The following MEIS2 variants were observed in gnomAD, a reference collection of about 807,000 sequenced individuals.
MEIS2 encodes the protein Meis homeobox 2, also known as homeobox protein Meis2.
Under a neutral mutation model 58.6 loss-of-function variants are expected in MEIS2, and 9 were observed. That is an observed-to-expected ratio of 0.15 (90% CI 0.09 to 0.27). The LOEUF (loss-of-function observed/expected upper bound fraction) is 0.27, where lower values mean the gene tolerates loss of function less well. Ranked by LOEUF, MEIS2 falls within the 10% of genes least tolerant of loss-of-function variation. The pLI, the probability that MEIS2 is intolerant of heterozygous loss-of-function variation, is 1.00. For missense variants in MEIS2, 427 were observed against 635.0 expected (o/e 0.67, Z 3.52); for synonymous variants, 221 against 228.4 (o/e 0.97, Z 0.29).
chr15:36,895,397 T>C (rs765413855), intron 10 of MEIS2, 136 bp from the exon 11 acceptor site: 7 of 695,594 alleles, frequency 1.0e-5, no homozygotes, highest in Non-Finnish European at 1.5e-5. Flanking sequence ...GTGTGGTTTG[T>C]CTGAGTGTCT....
chr15:36,955,787 T>C (rs1436461879), intron 8 of MEIS2, among the ~76,000 whole-genome samples: 1 of 152,120 alleles, frequency 6.6e-6, no homozygotes, highest in East Asian at 1.9e-4. Context: ...AGTATGTATC[T>C]CTTGATTTGT....
intron 8 of MEIS2, among the ~76,000 whole-genome samples, chr15:36,956,335 A>G (rs1188159138): frequency 6.6e-6 from 1 of 152,138 alleles, no homozygotes; most frequent in East Asian, 1.9e-4. Flanking sequence ...AAGAGTTGGG[A>G]TAACCACCTG....
At chr15:36,954,745 A>G (rs868354219) in intron 8 of MEIS2, among the ~76,000 whole-genome samples, 3 of 152,162 alleles carry the variant, frequency 2.0e-5, no homozygotes, top group South Asian at 2.1e-4. Flanking sequence ...TACTTCTGTG[A>G]TAGTGTAATA....
chr15:36,997,574 T>A (rs950328393), intron 8 of MEIS2, among the ~76,000 whole-genome samples: 3 of 151,334 alleles, frequency 2.0e-5, no homozygotes, highest in African/African-American at 4.9e-5. Context: ...GCAAGCTCCA[T>A]CTTCTGGGTT....
chr15:36,945,027 T>A (rs1393781670), intron 9 of MEIS2, among the ~76,000 whole-genome samples: 1 of 152,040 alleles, frequency 6.6e-6, no homozygotes, highest in Non-Finnish European at 1.5e-5. Context: ...CACAACATAT[T>A]TCCTGGTGTC....
rs1170660970 is a variant in MEIS2 at position 37,100,296 on chromosome 15, G to A, written c.-830C>T. On this transcript the variant is annotated 5_prime_UTR_variant, in exon 1 of 12. Coordinates refer to ENST00000561208, the MANE Select transcript of MEIS2 (RefSeq NM_170675.5). Reference sequence around the variant, plus strand: ...CGCTCTCACTCGCGCTCGCTCTCTCGCGCTCGCTCTCTCTCGCTCTCTTTC... The same window carrying A: ...CGCTCTCACTCGCGCTCGCTCTCTCACGCTCGCTCTCTCTCGCTCTCTTTC... 1 of 150,368 alleles carries A rather than the reference G, an allele frequency of 6.7e-6. No homozygotes were observed. The highest frequency in any genetic ancestry group is 6.7e-5 in the Admixed American group (1 of 15,016). The allele number at this position is 150,368 out of a possible 1,614,324, so 9.3% of individuals were successfully genotyped here.
At chr15:36,992,140 G>A (rs947045010) in intron 8 of MEIS2, among the ~76,000 whole-genome samples, 4 of 151,992 alleles carry the variant, frequency 2.6e-5, no homozygotes, top group African/African-American at 9.7e-5. Context: ...ATTGCTAGTC[G>A]GCTTCATTTA....
intron 6 of MEIS2, among the ~76,000 whole-genome samples, chr15:37,087,135 C>T (rs1035055324): frequency 1.2e-4 from 18 of 152,000 alleles, no homozygotes; most frequent in African/African-American, 2.7e-4. Flanking sequence ...GCCGGGTGCC[C>T]GTGTATGACT....
At chr15:36,966,476 T>G (rs1040744972) in intron 8 of MEIS2, among the ~76,000 whole-genome samples, 1 of 152,204 alleles carries the variant, frequency 6.6e-6, no homozygotes, top group African/African-American at 2.4e-5. Context: ...TCCTGGCTTT[T>G]AATCTTGGCT....
rs1474596915 is a variant in MEIS2 at position 37,096,354 on chromosome 15, C to T, written c.322G>A (p.Val108Met). The change falls in exon 3 of 12, where the codon GTG becomes ATG. Residue 108 changes from valine to methionine, a missense_variant. Coordinates refer to ENST00000561208, the MANE Select transcript of MEIS2 (RefSeq NM_170675.5). ...GAGGAGCAGACGTCTCCGCCAGCCA[C>T]TCCAGGTTCCCGGGGAGTGCAGGTC... ...LATCTPREPG[V>M]AGGDVCSSDS... 2 of 1,614,032 alleles carry T rather than the reference C, an allele frequency of 1.2e-6. No homozygotes were observed. The highest frequency in any genetic ancestry group is 1.7e-6 in the Non-Finnish European group (2 of 1,179,962).
intron 8 of MEIS2, among the ~76,000 whole-genome samples, chr15:36,986,367 T>C (rs1474724674): frequency 6.6e-6 from 1 of 152,220 alleles, no homozygotes; most frequent in Admixed American, 6.5e-5. Context: ...CCAGGCTTCC[T>C]GTTAGACACT....
intron 8 of MEIS2, among the ~76,000 whole-genome samples, chr15:36,970,384 A>G (rs994311112): frequency 6.0e-5 from 9 of 149,838 alleles, no homozygotes; most frequent in Non-Finnish European, 1.0e-4. Flanking sequence ...AGCCTGGGCG[A>G]CAGAGCAAGA....
At chr15:36,956,145 G>T (rs912048880) in intron 8 of MEIS2, among the ~76,000 whole-genome samples, 2 of 139,770 alleles carry the variant, frequency 1.4e-5, no homozygotes, top group Non-Finnish European at 3.0e-5. Context: ...GCAGTGAGCC[G>T]AGCGACTCAG....
At position 37,099,609 on chromosome 15, in the gene MEIS2, AG is replaced by A. The variant is rs1382882199; in HGVS notation, c.-144del. ...CCAATTCTCCAATATGCTATTTTTT[AG>A]GGGGGAAAAAAAGCCCAGTCTAGAC... is the stretch of plus-strand genomic sequence containing the variant. On this transcript the variant is annotated 5_prime_UTR_variant, in exon 1 of 12. Coordinates refer to ENST00000561208, the MANE Select transcript of MEIS2 (RefSeq NM_170675.5). 7 of 1,231,490 alleles carry A rather than the reference AG, an allele frequency of 5.7e-6. No individual in the cohort carries two copies. Among genetic ancestry groups the A allele is most frequent in the South Asian group, 3.3e-5 (2 of 60,202 alleles). 76.3% of individuals were successfully genotyped at this position (1,231,490 alleles called of 1,614,324 possible). A position where few individuals can be genotyped will look rare whatever the true frequency, so the allele number is the denominator to read the frequency against.
In MEIS2 at chr15:37,065,517, T is replaced by A. The variant is rs966527237; in HGVS notation, c.754+18254A>T. 5.3e-5 allele frequency among the ~76,000 whole-genome samples: 8 copies of A among 152,324 alleles called. No homozygotes were observed. The East Asian group carries it at 1.4e-3, about 26-fold the overall frequency. The stretch of plus-strand genomic sequence containing the variant: ...TGACTGACAACTGTGGTTTGAATAC[T>A]GCAGAAGCACCTTTCAATTAAAGAG... On this transcript the variant is annotated intron_variant, in intron 7 of 11. Coordinates refer to ENST00000561208, the MANE Select transcript of MEIS2 (RefSeq NM_170675.5).
chr15:37,026,272 G>A (rs1483373622), intron 8 of MEIS2, among the ~76,000 whole-genome samples: 1 of 152,118 alleles, frequency 6.6e-6, no homozygotes, highest in Non-Finnish European at 1.5e-5. Flanking sequence ...AAAGACTAGT[G>A]TAGCACCACC....
chr15:37,086,399 A>G (rs989874540), intron 6 of MEIS2, among the ~76,000 whole-genome samples: 5 of 152,180 alleles, frequency 3.3e-5, no homozygotes, highest in South Asian at 2.1e-4. Context: ...ATTTCTTTCA[A>G]TGGTATCTGA....
At chr15:36,965,100 C>T (rs751602815) in intron 8 of MEIS2, among the ~76,000 whole-genome samples, 3 of 152,106 alleles carry the variant, frequency 2.0e-5, no homozygotes, top group Non-Finnish European at 4.4e-5. Context: ...ACTTAAGCTT[C>T]GAGTTCTCAA....
rs201705165 is a variant in MEIS2 at position 36,896,705 on chromosome 15, G to A, written c.978-19C>T. 9 of 1,610,604 alleles carry A rather than the reference G, an allele frequency of 5.6e-6. No individual in the cohort carries two copies. The East Asian group carries it at 2.0e-4, about 36-fold the overall frequency. ...AATAAACCTGAAAGAGAACAGAGAAGTCCAGTCATCATACTCCGTTTCTGT... is the reference window on the plus strand; with the variant it reads ...AATAAACCTGAAAGAGAACAGAGAAATCCAGTCATCATACTCCGTTTCTGT... On this transcript the variant is annotated intron_variant, in intron 9 of 11. Transcript: ENST00000561208.
Sources: allele counts gnomAD v4.1 joint callset (sites outside exome capture counted in the v4.1 genomes callset), GRCh38; gene constraint gnomAD v4.1.1; transcripts MANE v1.5; gene names NCBI Gene and HGNC (gene_info 2026-07-23, HGNC 2026-07-21).